FBN2: variants seen among roughly 807,000 people sequenced by gnomAD.
The protein encoded by FBN2 is fibrillin 2.
In FBN2, 105 loss-of-function variants were observed where a neutral mutation model predicts 355.6. That is an observed-to-expected ratio of 0.30 (90% CI 0.25 to 0.35). FBN2 has a LOEUF of 0.35. Among genes scored for constraint, FBN2 ranks in the 10% least tolerant of loss-of-function variants. FBN2 has a pLI of 1.00. For missense variants in FBN2, 3,280 were observed against 3,758.7 expected (o/e 0.87, Z 3.33); for synonymous variants, 1,350 against 1,301.2 (o/e 1.04, Z -0.81).
At chr5:128,453,227 T>C (rs1257758416) in intron 6 of FBN2, among the ~76,000 whole-genome samples, 1 of 152,206 alleles carries the variant, frequency 6.6e-6, no homozygotes, top group African/African-American at 2.4e-5. Context: ...AGAGCATGGT[T>C]CTATCTCGAT....
In FBN2 at chr5:128,335,487, T is replaced by G; in HGVS notation, c.3815A>C (p.Tyr1272Ser). Residue 1272 changes from tyrosine to serine, a missense_variant, in exon 29 of 65, where the codon TAT (tyrosine) becomes TCT (serine). This residue lies in a region of FBN2 where 2,284 missense variants were observed against 2,749.5 expected (regional missense o/e 0.83). Transcript: ENST00000262464. ...GSYECSCSEG[Y>S]ALMPDGRSCA... is the part of the protein sequence containing the mutation. ...CGATCTCCCATCTGGCATCAGGGCA[T>G]AACCCTCACTGCAGCTGCATTCGTA... The G allele has an allele frequency of 6.2e-7, 1 of 1,614,244 alleles. No homozygotes were observed. The highest frequency in any genetic ancestry group is 2.2e-5 in the East Asian group (1 of 44,892).
chr5:128,333,154 T>C (rs1393282802), intron 31 of FBN2, 120 bp from the exon 32 acceptor site: 15 of 845,266 alleles, frequency 1.8e-5, no homozygotes, highest in Non-Finnish European at 2.9e-5. Context: ...GAGAAAAGAG[T>C]AGCCTAACTA....
At chr5:128,384,544 G>C (rs1248901827) in intron 11 of FBN2, among the ~76,000 whole-genome samples, 2 of 152,010 alleles carry the variant, frequency 1.3e-5, no homozygotes, top group Non-Finnish European at 2.9e-5. Context: ...TTGTCTTCTT[G>C]GGCTTACAGA....
chr5:128,301,428 T>C lies in FBN2; in HGVS notation c.6000A>G (p.Leu2000=), dbSNP rs148293104. 8.0e-4 allele frequency: 1,283 copies of C among 1,613,430 alleles called. 9 individuals are homozygous for C. In the African/African-American group the frequency reaches 0.015, roughly 19 times the overall value. ...CFNEIGSFKC[L]CNEGYELTPD... ...GGGTAAGTTCATAACCTTCGTTACA[T>C]AGACACTTGAAAGAACCAATTTCAT... The change falls in exon 47 of 65, where the codon CTA becomes CTG. Residue 2000 remains leucine, a synonymous_variant. Transcript: ENST00000262464.
chr5:128,536,707 C>T (rs906257381), intron 1 of FBN2, among the ~76,000 whole-genome samples: 5 of 152,128 alleles, frequency 3.3e-5, no homozygotes, highest in African/African-American at 1.2e-4. Flanking sequence ...TTTCATCTGT[C>T]GTCCCTTGCC....
At chr5:128,325,520 T>C (rs573271491) in intron 34 of FBN2, among the ~76,000 whole-genome samples, 3 of 152,354 alleles carry the variant, frequency 2.0e-5, no homozygotes, top group South Asian at 2.1e-4. Flanking sequence ...GTGAGATGCG[T>C]TGCCTTTTCT....
intron 8 of FBN2, among the ~76,000 whole-genome samples, chr5:128,395,573 T>A (rs1752629603): frequency 1.3e-5 from 2 of 152,236 alleles, no homozygotes; most frequent in Admixed American, 1.3e-4. Flanking sequence ...CACTGTTGTA[T>A]GTCACTGTGA....
intron 5 of FBN2, among the ~76,000 whole-genome samples, chr5:128,515,083 C>G (rs1208193820): frequency 6.6e-6 from 1 of 152,102 alleles, no homozygotes; most frequent in Non-Finnish European, 1.5e-5. Flanking sequence ...ACAAGTATAT[C>G]AGTTATTTCT....
chr5:128,518,550 T>G (rs1474583991), intron 5 of FBN2, among the ~76,000 whole-genome samples: 1 of 151,990 alleles, frequency 6.6e-6, no homozygotes, highest in East Asian at 1.9e-4. Flanking sequence ...ATCAAACATA[T>G]TACCACCACC....
At chr5:128,494,981 C>G (rs1043931929) in intron 5 of FBN2, among the ~76,000 whole-genome samples, 5 of 152,096 alleles carry the variant, frequency 3.3e-5, no homozygotes, top group Admixed American at 6.6e-5. Context: ...CCTTAACAGA[C>G]AAATACCTCA....
chr5:128,487,570 G>GT (rs1331165747), intron 5 of FBN2, among the ~76,000 whole-genome samples: 1 of 152,056 alleles, frequency 6.6e-6, no homozygotes, highest in Non-Finnish European at 1.5e-5. Flanking sequence ...CAAAAAGACC[G>GT]TAAGTACATA....
intron 20 of FBN2, among the ~76,000 whole-genome samples, chr5:128,355,449 A>G (rs961990792): frequency 1.3e-5 from 2 of 152,218 alleles, no homozygotes; most frequent in Non-Finnish European, 2.9e-5. Flanking sequence ...ATTAATTTAT[A>G]TTTAGAAAGC....
Position 128,346,874 on chromosome 5 carries a change from T to C in FBN2, c.2990-1290A>G, listed in dbSNP as rs1355782108. Reference sequence around the variant, plus strand: ...TTAAGGAAAAAATAACTGTGGTAAATGTTTATTTTGATTCAGCAGACTGAA... The same window carrying C: ...TTAAGGAAAAAATAACTGTGGTAAACGTTTATTTTGATTCAGCAGACTGAA... On this transcript the variant is annotated intron_variant, in intron 23 of 64. Coordinates refer to ENST00000262464, the MANE Select transcript of FBN2 (RefSeq NM_001999.4). Among the ~76,000 whole-genome samples the C allele has an allele frequency of 4.6e-5, 7 of 152,300 alleles. No individual in the cohort carries two copies. In the South Asian group the frequency reaches 1.2e-3, roughly 27 times the overall value.
intron 11 of FBN2, among the ~76,000 whole-genome samples, chr5:128,389,311 G>A (rs1752448946): frequency 6.6e-6 from 1 of 152,214 alleles, no homozygotes; most frequent in African/African-American, 2.4e-5. Flanking sequence ...GGGAGAGGCT[G>A]CAGGTGGGAG....
At chr5:128,308,508 T>A (rs914386342) in intron 41 of FBN2, among the ~76,000 whole-genome samples, 2 of 152,196 alleles carry the variant, frequency 1.3e-5, no homozygotes, top group Non-Finnish European at 2.9e-5. Context: ...AACAAATGCA[T>A]AATCACTGTT....
At chr5:128,488,180 G>A (rs1439425175) in intron 5 of FBN2, among the ~76,000 whole-genome samples, 2 of 147,912 alleles carry the variant, frequency 1.4e-5, no homozygotes, top group Admixed American at 1.3e-4. Flanking sequence ...ACGCTTCAAT[G>A]AACCCAGACT....
In FBN2 at chr5:128,537,655, A is replaced by G; in HGVS notation, c.-52T>C. On this transcript the variant is annotated 5_prime_UTR_variant, in exon 1 of 65. Coordinates refer to ENST00000262464, the MANE Select transcript of FBN2 (RefSeq NM_001999.4). ...AGACCCGCGGAGAGGGAGTGATCAAAGACAAAATCTGCGCGCCTCAGAAAA... is the reference window on the plus strand; with the variant it reads ...AGACCCGCGGAGAGGGAGTGATCAAGGACAAAATCTGCGCGCCTCAGAAAA... 1.3e-6 allele frequency: 2 copies of G among 1,561,172 alleles called. No individual in the cohort carries two copies. The highest frequency in any genetic ancestry group is 1.7e-6 in the Non-Finnish European group (2 of 1,144,036).
intron 59 of FBN2, among the ~76,000 whole-genome samples, chr5:128,275,223 A>G (rs1401604545): frequency 6.6e-6 from 1 of 152,156 alleles, no homozygotes; most frequent in Non-Finnish European, 1.5e-5. Context: ...TCAAAATTTG[A>G]TTTTGGCTAT....
chr5:128,268,569 CA>C (rs1460149032), intron 62 of FBN2, among the ~76,000 whole-genome samples: 17 of 151,976 alleles, frequency 1.1e-4, no homozygotes, highest in Non-Finnish European at 1.8e-4. Flanking sequence ...AGAAACACAA[CA>C]AAAAAAGGAA....
Sources: gnomAD v4.1 joint callset for allele counts (sites outside exome capture counted in the v4.1 genomes callset) on GRCh38, gnomAD v4.1.1 for gene constraint, gnomAD v4.1.1 regional missense constraint, MANE v1.5 for transcripts, NCBI Gene and HGNC (gene_info 2026-07-23, HGNC 2026-07-21) for gene names.